Variants in PYGB observed in about 807,000 individuals in gnomAD.
The protein encoded by PYGB is glycogen phosphorylase, brain form.
Under a neutral mutation model 94.3 loss-of-function variants are expected in PYGB, and 82 were observed. The observed-to-expected ratio is 0.87, with a 90% CI of 0.73 to 1.04. The LOEUF is 1.04. Among genes scored for constraint, PYGB ranks in the 50% least tolerant of loss-of-function variants. The pLI, the probability that PYGB is intolerant of heterozygous loss-of-function variation, is 0.00. For synonymous variants in PYGB, 488 were observed against 479.1 expected, an observed-to-expected ratio of 1.02 and a Z score of -0.24; for missense variants, 1,132 against 1,158.2, an observed-to-expected ratio of 0.98 and a Z score of 0.33.
chr20:25,276,024 C>G (rs2088307988), intron 5 of PYGB, among the ~76,000 whole-genome samples: 1 of 152,170 alleles, frequency 6.6e-6, no homozygotes, highest in Admixed American at 6.5e-5. Context: ...TTTGTGAGCC[C>G]CCTCCTGCCC....
intron 6 of PYGB, 40 bp downstream of exon 6, chr20:25,276,797 G>C (rs749996120): frequency 1.3e-6 from 2 of 1,580,288 alleles, no homozygotes; most frequent in Non-Finnish European, 1.7e-6. Context: ...GTCCATGTGG[G>C]TGGCTGGTCC....
chr20:25,294,321 T>TGGGAGGGA (rs59991127), intron 18 of PYGB, 29 bp downstream of exon 18: 22 of 358,150 alleles, frequency 6.1e-5, no homozygotes, highest in African/African-American at 3.0e-4. Context: ...GTTGGGTGGC[T>TGGGAGGGA]GGGAGGGAGG....
chr20:25,283,336 C>A (rs2088386625), intron 13 of PYGB, 59 bp downstream of exon 13: 3 of 1,482,344 alleles, frequency 2.0e-6, no homozygotes, highest in Non-Finnish European at 2.8e-6. Context: ...GGCAGGTAGG[C>A]CCTGGCCCTA....
rs201431423 is a variant in PYGB at position 25,278,300 on chromosome 20, C to T, written c.856-19C>T. 1.5e-5 allele frequency: 18 copies of T among 1,162,790 alleles called. No homozygotes were observed. The highest frequency in any genetic ancestry group is 3.9e-5 in the East Asian group (1 of 25,502). 72.0% of individuals were successfully genotyped at this position (1,162,790 alleles called of 1,614,324 possible). A position where few individuals can be genotyped will look rare whatever the true frequency, so the allele number is the denominator to read the frequency against. ...GAATGGCCCAGCCTGCACCCTCCAG[C>T]TTGCTCTGCTGTGTGCAGTTCTTTG... On this transcript the variant is annotated intron_variant, in intron 7 of 19. Transcript: ENST00000216962.
intron 4 of PYGB, among the ~76,000 whole-genome samples, chr20:25,272,682 G>A (rs2088277556): frequency 6.6e-6 from 1 of 152,200 alleles, no homozygotes; most frequent in Non-Finnish European, 1.5e-5. Flanking sequence ...CTTGATTTGT[G>A]GAGATGCCCT....
At chr20:25,279,225 T>C (rs2088343502) in intron 9 of PYGB, 76 bp downstream of exon 9, 2 of 1,455,474 alleles carry the variant, frequency 1.4e-6, no homozygotes, top group South Asian at 1.2e-5. Context: ...GGAGCTGAGC[T>C]GGGGGGCCTC....
rs1233993347 is a variant in PYGB at position 25,274,664 on chromosome 20, G to A, written c.601G>A (p.Val201Met). ...AGCGCGGCCTGAGTATATGCTTCCC[G>A]TGCACTTCTACGGACGCGTGGAGCA... ...EKARPEYMLP[V>M]HFYGRVEHTP... The change falls in exon 5 of 20, where the codon GTG becomes ATG. Residue 201 changes from valine (V) to methionine (M), a missense_variant. Transcript: ENST00000216962. 4.3e-6 allele frequency: 7 copies of A among 1,613,804 alleles called. No individual in the cohort carries two copies. The highest frequency in any genetic ancestry group is 3.3e-5 in the South Asian group (3 of 91,090).
Position 25,290,613 on chromosome 20 carries a change from G to C in PYGB, c.1960G>C (p.Ala654Pro). The C allele has an allele frequency of 6.3e-7, 1 of 1,597,932 alleles. No homozygotes were observed. The highest frequency in any genetic ancestry group is 8.6e-7 in the Non-Finnish European group (1 of 1,166,282). The change falls in exon 16 of 20, where the codon GCT becomes CCT. Residue 654 changes from alanine to proline, a missense_variant. Coordinates refer to ENST00000216962, the MANE Select transcript of PYGB (RefSeq NM_002862.4). ...IFLENYRVSL[A>P]EKVIPAADLS... is the part of the protein sequence containing the mutation. ...CCTGGAGAACTACCGTGTGTCCTTG[G>C]CTGAGAAAGGTAACCCTGGAAGCCT...
At chr20:25,269,835 C>T (rs565235699) in intron 3 of PYGB, among the ~76,000 whole-genome samples, 17 of 152,326 alleles carry the variant, frequency 1.1e-4, no homozygotes, top group South Asian at 4.1e-4. Context: ...GCTCCCTCCC[C>T]GGCCCCGAGA....
At chr20:25,261,364 A>G (rs2092913110) in intron 2 of PYGB, among the ~76,000 whole-genome samples, 1 of 152,226 alleles carries the variant, frequency 6.6e-6, no homozygotes, top group Non-Finnish European at 1.5e-5. Flanking sequence ...ATACCCAGGC[A>G]AACAGGGTCT....
intron 4 of PYGB, among the ~76,000 whole-genome samples, chr20:25,273,298 G>A (rs1235636593): frequency 1.3e-5 from 2 of 152,202 alleles, no homozygotes; most frequent in Non-Finnish European, 2.9e-5. Flanking sequence ...ATCTCACAGC[G>A]GACAAGGAGA....
In PYGB at chr20:25,248,203, G is replaced by A. The variant is rs2092876144; in HGVS notation, c.25G>A (p.Glu9Lys). 1.3e-6 allele frequency: 2 copies of A among 1,591,210 alleles called. No homozygotes were observed. The highest frequency in any genetic ancestry group is 1.4e-5 in the African/African-American group (1 of 72,828). ...GATGGCGAAGCCGCTGACGGACAGC[G>A]AGAAGCGGAAGCAGATCAGCGTGCG... MAKPLTDS[E>K]KRKQISVRGL... The change falls in exon 1 of 20, where the codon GAG (glutamate) becomes AAG (lysine). Residue 9 changes from glutamate to lysine, a missense_variant. By Grantham distance (56) the Glu-to-Lys change is moderately conservative. Transcript: ENST00000216962.
chr20:25,262,059 G>T (rs2092914778), intron 2 of PYGB, among the ~76,000 whole-genome samples: 1 of 152,144 alleles, frequency 6.6e-6, no homozygotes, highest in Non-Finnish European at 1.5e-5. Flanking sequence ...CACTCTTCAG[G>T]ATATTATCCA....
chr20:25,272,957 G>A (rs922382766), intron 4 of PYGB, among the ~76,000 whole-genome samples: 11 of 152,200 alleles, frequency 7.2e-5, no homozygotes, highest in African/African-American at 2.7e-4. Flanking sequence ...CCTTCTGGTG[G>A]TCCTCGTTCC....
rs202128678 is a variant in PYGB, at chr20:25,276,598, G to A, written c.661-48G>A. The A allele has an allele frequency of 1.4e-4, 218 of 1,527,264 alleles. No homozygotes were observed. The African/African-American group carries it at 1.4e-3, about 10-fold the overall frequency. 94.6% of individuals were successfully genotyped at this position (1,527,264 alleles called of 1,614,324 possible). On this transcript the variant is annotated intron_variant, in intron 5 of 19. Coordinates refer to ENST00000216962, the MANE Select transcript of PYGB (RefSeq NM_002862.4). The stretch of plus-strand genomic sequence containing the variant: ...TGGGCCGGGGAGAGGCACAGGGGCC[G>A]GCGGGGGCCCTTGCCACTCCGTCCT...
chr20:25,277,575 C>G (rs2088325339), intron 7 of PYGB, among the ~76,000 whole-genome samples: 1 of 152,202 alleles, frequency 6.6e-6, no homozygotes, highest in East Asian at 1.9e-4. Flanking sequence ...AGGACACTCT[C>G]TGCCACCTTC....
At chr20:25,295,172 T>C in intron 18 of PYGB, 3 of 878,896 alleles carry the variant, frequency 3.4e-6, no homozygotes, top group Non-Finnish European at 5.7e-6. Flanking sequence ...CAAGTCAGTA[T>C]TTCCTGTGTA....
chr20:25,248,344 C>T lies in PYGB; in HGVS notation c.166C>T (p.Leu56=), dbSNP rs1175983228. 5 of 1,602,504 alleles carry T rather than the reference C, an allele frequency of 3.1e-6. No individual in the cohort carries two copies. Among genetic ancestry groups the T allele is most frequent in the Middle Eastern group, 1.6e-4 (1 of 6,062 alleles). The change falls in exon 1 of 20, where the codon CTG becomes TTG. Residue 56 remains leucine (L), a synonymous_variant. Transcript: ENST00000216962. ...VATPRDYFFA[L]AHTVRDHLVG... Reference sequence around the variant, plus strand: ...CACGCCCCGCGACTACTTCTTCGCGCTGGCGCACACGGTGCGCGACCACCT... The same window carrying T: ...CACGCCCCGCGACTACTTCTTCGCGTTGGCGCACACGGTGCGCGACCACCT...
At chr20:25,279,333 G>C (rs974326024) in intron 9 of PYGB, among the ~76,000 whole-genome samples, 184 bp downstream of exon 9, 12 of 152,126 alleles carry the variant, frequency 7.9e-5, no homozygotes, top group African/African-American at 2.7e-4. Context: ...CCGGGGGCCA[G>C]AGTATGGGGT....
Sources: allele counts gnomAD v4.1 joint callset (sites outside exome capture counted in the v4.1 genomes callset), GRCh38; gene constraint gnomAD v4.1.1; transcripts MANE v1.5; gene names NCBI Gene and HGNC (gene_info 2026-07-23, HGNC 2026-07-21).